TMEM51: variants seen among roughly 807,000 people sequenced by gnomAD.
TMEM51 encodes chromosome 1 open reading frame 72.
In TMEM51, 8 loss-of-function variants were observed where a neutral mutation model predicts 13.6. That is an observed-to-expected ratio of 0.59 (90% CI 0.35 to 1.07). The LOEUF is 1.07. TMEM51 is among the 50% of genes least tolerant of loss of function. The pLI is 0.02. For missense variants in TMEM51, 279 were observed against 330.7 expected (o/e 0.84, Z 1.21); for synonymous variants, 147 against 144.4 (o/e 1.02, Z -0.13).
chr1:15,167,836 T>A (rs1643080456), intron 1 of TMEM51, among the ~76,000 whole-genome samples: 1 of 152,352 alleles, frequency 6.6e-6, no homozygotes, highest in African/African-American at 2.4e-5. Context: ...TGACTCTCCC[T>A]TTCCCATATC....
chr1:15,215,568 T>C lies in TMEM51; in HGVS notation c.344+137T>C, dbSNP rs1644418797. 3.7e-6 allele frequency: 3 copies of C among 813,208 alleles called. No individual in the cohort carries two copies. The South Asian group carries it at 6.0e-5, about 16-fold the overall frequency. 50.4% of individuals were successfully genotyped at this position (813,208 alleles called of 1,614,324 possible). ...GTCCCATGTTCGCCCATGACGCCTC[T>C]GTCAAAACGGTTTATCATTTTACAA... On this transcript the variant is annotated intron_variant, in intron 3 of 3. Transcript: ENST00000376008.
At chr1:15,174,238 C>T (rs529554121) in intron 1 of TMEM51, among the ~76,000 whole-genome samples, 1 of 152,080 alleles carries the variant, frequency 6.6e-6, no homozygotes, top group Non-Finnish European at 1.5e-5. Context: ...TTGATAGAAT[C>T]CCATCATTTT....
intron 1 of TMEM51, among the ~76,000 whole-genome samples, chr1:15,154,960 C>T (rs557547687): frequency 6.6e-6 from 1 of 152,218 alleles, no homozygotes; most frequent in East Asian, 1.9e-4. Flanking sequence ...AAGGCTTTCC[C>T]CTCTAGGACC....
At chr1:15,195,622 C>G (rs147701812) in intron 1 of TMEM51, among the ~76,000 whole-genome samples, 1 of 152,142 alleles carries the variant, frequency 6.6e-6, no homozygotes, top group African/African-American at 2.4e-5. Flanking sequence ...CTTGACTCAT[C>G]GATTCTTCCT....
chr1:15,176,149 C>G (rs1019464395), intron 1 of TMEM51, among the ~76,000 whole-genome samples: 51 of 152,120 alleles, frequency 3.4e-4, no homozygotes, highest in African/African-American at 1.2e-3. Flanking sequence ...TTGTAGTGCC[C>G]AACAACCCAG....
At chr1:15,174,223 C>T (rs900820455) in intron 1 of TMEM51, among the ~76,000 whole-genome samples, 3 of 152,102 alleles carry the variant, frequency 2.0e-5, no homozygotes, top group African/African-American at 4.8e-5. Context: ...CTTCTGTAGC[C>T]TTCGTTGATA....
chr1:15,174,809 C>A (rs1643403777), intron 1 of TMEM51, among the ~76,000 whole-genome samples: 1 of 152,176 alleles, frequency 6.6e-6, no homozygotes, highest in Admixed American at 6.5e-5. Context: ...CTCACATGAA[C>A]TTTCCTTGAT....
At chr1:15,172,382 T>C (rs373891571) in intron 1 of TMEM51, among the ~76,000 whole-genome samples, 206 of 80,076 alleles carry the variant, frequency 2.6e-3, no homozygotes, top group African/African-American at 7.1e-3. Flanking sequence ...AGTGAGACCC[T>C]GTCTCAAAAA....
chr1:15,197,322 C>T (rs1438356339), intron 1 of TMEM51, among the ~76,000 whole-genome samples: 2 of 152,106 alleles, frequency 1.3e-5, no homozygotes, highest in African/African-American at 4.8e-5. Context: ...GAAGGAAAAC[C>T]AGGCACTGTT....
intron 1 of TMEM51, among the ~76,000 whole-genome samples, chr1:15,195,433 G>C (rs1001560333): frequency 6.6e-6 from 1 of 151,996 alleles, no homozygotes; most frequent in African/African-American, 2.4e-5. Context: ...TTTTACACTT[G>C]AATAGCACAT....
chr1:15,158,998 T>C (rs944521292), intron 1 of TMEM51, among the ~76,000 whole-genome samples: 1 of 152,206 alleles, frequency 6.6e-6, no homozygotes, highest in African/African-American at 2.4e-5. Context: ...TCCTCCTGCA[T>C]GGTAAGAACC....
intron 1 of TMEM51, among the ~76,000 whole-genome samples, chr1:15,185,571 G>A (rs1643748933): frequency 6.6e-6 from 1 of 152,194 alleles, no homozygotes; most frequent in South Asian, 2.1e-4. Context: ...CACGGTTATG[G>A]CTTATGTTTC....
rs1245180882 is a variant in TMEM51 at position 15,219,689 on chromosome 1, A to G, written c.708A>G (p.Pro236=). Residue 236 remains proline (P), a synonymous_variant, in exon 4 of 4, where the codon CCA becomes CCG. Transcript: ENST00000376008. ...PPPSIEPLTP[P]PQYDEVQEKA... ...CCTCGATAGAGCCTTTGACTCCTCC[A>G]CCGCAGTATGATGAAGTCCAGGAGA... 6.2e-7 allele frequency: 1 copy of G among 1,613,794 alleles called. No individual in the cohort carries two copies. The highest frequency in any genetic ancestry group is 1.1e-5 in the South Asian group (1 of 91,074).
At chr1:15,179,886 G>A (rs1205206573) in intron 1 of TMEM51, among the ~76,000 whole-genome samples, 1 of 152,196 alleles carries the variant, frequency 6.6e-6, no homozygotes, top group African/African-American at 2.4e-5. Flanking sequence ...ACATATGAGG[G>A]AACTTTCTGG....
intron 1 of TMEM51, among the ~76,000 whole-genome samples, chr1:15,157,319 T>G (rs1441921306): frequency 6.6e-6 from 1 of 152,182 alleles, no homozygotes; most frequent in Non-Finnish European, 1.5e-5. Context: ...GCCCTGGATT[T>G]ATCAGACTTA....
chr1:15,184,876 G>C lies in TMEM51; in HGVS notation c.-266-25614G>C, dbSNP rs578083669. On this transcript the variant is annotated intron_variant, in intron 1 of 3. Transcript: ENST00000376008. ...TTTGGTTGCCCCCAGCTGGGGAGATGCTATTGGTATCTAGTAGGTAGAGAC... is the reference window on the plus strand; with the variant it reads ...TTTGGTTGCCCCCAGCTGGGGAGATCCTATTGGTATCTAGTAGGTAGAGAC... Among the ~76,000 whole-genome samples the C allele has an allele frequency of 1.1e-4, 17 of 151,976 alleles. No homozygotes were observed. The South Asian group carries it at 3.1e-3, about 28-fold the overall frequency.
intron 1 of TMEM51, among the ~76,000 whole-genome samples, chr1:15,156,219 G>A (rs530228372): frequency 2.0e-5 from 3 of 152,322 alleles, no homozygotes; most frequent in Admixed American, 6.5e-5. Context: ...CGGCTCGCTG[G>A]CTCCAGATGT....
intron 2 of TMEM51, among the ~76,000 whole-genome samples, chr1:15,212,966 T>C (rs2100351262): frequency 6.6e-6 from 1 of 152,386 alleles, no homozygotes; most frequent in South Asian, 2.1e-4. Flanking sequence ...CACGTGCACA[T>C]ACACAGTGCT....
intron 1 of TMEM51, among the ~76,000 whole-genome samples, chr1:15,200,155 C>T (rs1383773956): frequency 6.6e-6 from 1 of 151,886 alleles, no homozygotes; most frequent in African/African-American, 2.4e-5. Context: ...TATGAGTGGG[C>T]CCTAATCCAA....
Sources: gnomAD v4.1 joint callset for allele counts (sites outside exome capture counted in the v4.1 genomes callset) on GRCh38, gnomAD v4.1.1 for gene constraint, MANE v1.5 for transcripts, NCBI Gene and HGNC (gene_info 2026-07-23, HGNC 2026-07-21) for gene names.